The following CSRNP3 variants were observed in gnomAD, a reference collection of about 807,000 sequenced individuals.
CSRNP3 encodes the protein cysteine and serine rich nuclear protein 3.
CSRNP3 carries 12 observed loss-of-function variants against 48.0 expected under a neutral mutation model. That is an observed-to-expected ratio of 0.25 (90% confidence interval 0.16 to 0.41). CSRNP3 has a LOEUF of 0.41. CSRNP3 is among the 10% of genes least tolerant of loss of function. CSRNP3 has a pLI of 1.00. For synonymous variants in CSRNP3, 263 were observed against 269.7 expected (o/e 0.98, Z 0.24); for missense variants, 580 against 724.4 (o/e 0.80, Z 2.29).
At chr2:165,634,184 C>T (rs796280130) in intron 4 of CSRNP3, among the ~76,000 whole-genome samples, 3 of 151,794 alleles carry the variant, frequency 2.0e-5, no homozygotes, top group African/African-American at 4.8e-5. Flanking sequence ...ACTAAAAATA[C>T]AAAAAATTAG....
At chr2:165,620,494 G>A (rs1686321403) in intron 4 of CSRNP3, among the ~76,000 whole-genome samples, 1 of 152,026 alleles carries the variant, frequency 6.6e-6, no homozygotes, top group Non-Finnish European at 1.5e-5. Context: ...ATTGCCACCA[G>A]ATACTAAAAT....
intron 4 of CSRNP3, among the ~76,000 whole-genome samples, chr2:165,597,419 G>A (rs1685830757): frequency 6.6e-6 from 1 of 152,024 alleles, no homozygotes; most frequent in South Asian, 2.1e-4. Context: ...TATGGTCTTA[G>A]GAAATTTGAA....
intron 5 of CSRNP3, among the ~76,000 whole-genome samples, chr2:165,658,663 A>G (rs1840253): frequency 0.7 from 106,872 of 152,036 alleles, 38,148 homozygotes; most frequent in South Asian, 0.79. Flanking sequence ...ATATGGCTGG[A>G]GAGGCCTCAC....
At chr2:165,500,715 C>T (rs1207128982) in intron 2 of CSRNP3, among the ~76,000 whole-genome samples, 1 of 152,042 alleles carries the variant, frequency 6.6e-6, no homozygotes, top group Non-Finnish European at 1.5e-5. Context: ...ACCTAGGCCT[C>T]TCAAAGTGCG....
At chr2:165,511,750 G>A (rs1298294346) in intron 2 of CSRNP3, among the ~76,000 whole-genome samples, 1 of 152,174 alleles carries the variant, frequency 6.6e-6, no homozygotes, top group African/African-American at 2.4e-5. Flanking sequence ...AATTATCAAA[G>A]AAAGTGTGAT....
chr2:165,682,111 A>C lies in CSRNP3; in HGVS notation c.*2358A>C, dbSNP rs1687557982. ...CCAGCTCCAGCCTGAGCAAAGCTGA[A>C]GGGTAGAATGACAGTCCAGTTTCTG... On this transcript the variant is annotated 3_prime_UTR_variant, in exon 7 of 7. Transcript: ENST00000651982. 6.6e-6 allele frequency: 1 copy of C among 151,990 alleles called. No homozygotes were observed. Among genetic ancestry groups the C allele is most frequent in the East Asian group, 1.9e-4 (1 of 5,160 alleles). The allele number at this position is 151,990 out of a possible 1,614,324, so 9.4% of individuals were successfully genotyped here.
intron 5 of CSRNP3, among the ~76,000 whole-genome samples, chr2:165,659,178 G>A (rs1687057931): frequency 2.0e-5 from 3 of 152,156 alleles, no homozygotes; most frequent in African/African-American, 7.2e-5. Context: ...TGTTGAGACG[G>A]GATGGAATAT....
intron 3 of CSRNP3, among the ~76,000 whole-genome samples, chr2:165,594,141 T>C (rs1685771490): frequency 6.6e-6 from 1 of 152,202 alleles, no homozygotes; most frequent in Non-Finnish European, 1.5e-5. Flanking sequence ...TCAGAGCACT[T>C]CTTATCTTAA....
At chr2:165,663,898 G>A (rs139788381) in intron 5 of CSRNP3, among the ~76,000 whole-genome samples, 28 of 151,998 alleles carry the variant, frequency 1.8e-4, no homozygotes, top group Non-Finnish European at 3.7e-4. Flanking sequence ...TACTAGATCC[G>A]TCTGGCTTAT....
intron 4 of CSRNP3, among the ~76,000 whole-genome samples, chr2:165,641,203 A>G (rs544232354): frequency 1.3e-5 from 2 of 152,264 alleles, no homozygotes; most frequent in African/African-American, 4.8e-5. Flanking sequence ...GACCACAACA[A>G]TGGTTCACCA....
In CSRNP3 at chr2:165,682,771, T is replaced by A. The variant is rs1299804470; in HGVS notation, c.*3018T>A. 2 of 152,276 alleles carry A rather than the reference T, an allele frequency of 1.3e-5. No individual in the cohort carries two copies. Among genetic ancestry groups the A allele is most frequent in the Non-Finnish European group, 2.9e-5 (2 of 68,008 alleles). The allele number at this position is 152,276 out of a possible 1,614,324, so 9.4% of individuals were successfully genotyped here. The stretch of plus-strand genomic sequence containing the variant: ...AGCTGCCCACATGCCAGGAAAGTGC[T>A]ACAGTCCTTCTAAGCTTTTAAAAAT... On this transcript the variant is annotated 3_prime_UTR_variant, in exon 7 of 7. Coordinates refer to ENST00000651982, the MANE Select transcript of CSRNP3 (RefSeq NM_001172173.2).
At chr2:165,666,814 AAGAG>A (rs1201845500) in intron 5 of CSRNP3, among the ~76,000 whole-genome samples, 203 of 122,130 alleles carry the variant, frequency 1.7e-3, no homozygotes, top group Non-Finnish European at 2.5e-3. Flanking sequence ...GGAAGAAAGA[AAGAG>A]AGAGAAAGGA....
At chr2:165,627,084 C>T (rs1686448508) in intron 4 of CSRNP3, among the ~76,000 whole-genome samples, 1 of 152,106 alleles carries the variant, frequency 6.6e-6, no homozygotes, top group African/African-American at 2.4e-5. Flanking sequence ...TCTTTGGTCC[C>T]TGCTGGTTAT....
chr2:165,568,986 A>C (rs1360010129), intron 3 of CSRNP3, among the ~76,000 whole-genome samples: 1 of 152,122 alleles, frequency 6.6e-6, no homozygotes, highest in Non-Finnish European at 1.5e-5. Context: ...ACTTTTGAAA[A>C]AGTACCATTT....
rs1420745372 is a variant in CSRNP3 at position 165,498,288 on chromosome 2, C to T, written c.-113+3360C>T. Among the ~76,000 whole-genome samples, 5 of 152,072 alleles carry T rather than the reference C, an allele frequency of 3.3e-5. No individual in the cohort carries two copies. In the East Asian group the frequency reaches 7.7e-4, roughly 23 times the overall value. The stretch of plus-strand genomic sequence containing the variant: ...TGAAGTATGCAGTGTGAATCTTTAA[C>T]AGCAGCTAACAAATCAAGGGTTAGT... On this transcript the variant is annotated intron_variant, in intron 2 of 6. Coordinates refer to ENST00000651982, the MANE Select transcript of CSRNP3 (RefSeq NM_001172173.2).
At chr2:165,667,662 C>G (rs1400165839) in intron 5 of CSRNP3, among the ~76,000 whole-genome samples, 1 of 152,132 alleles carries the variant, frequency 6.6e-6, no homozygotes, top group Non-Finnish European at 1.5e-5. Flanking sequence ...CATGCCTGTT[C>G]TCACATTTTT....
chr2:165,653,738 G>A lies in CSRNP3; in HGVS notation c.149-4023G>A, dbSNP rs371294492. On this transcript the variant is annotated intron_variant, in intron 4 of 6. Transcript: ENST00000651982. ...TATAATCCCAGAACTTTGGGAGGCC[G>A]AGGTGGGTGGATCACCTGAGGTCAG... Among the ~76,000 whole-genome samples the A allele has an allele frequency of 2.2e-4, 34 of 152,070 alleles. No individual in the cohort carries two copies. The South Asian group carries it at 5.2e-3, about 23-fold the overall frequency.
chr2:165,667,117 A>G (rs1687246649), intron 5 of CSRNP3, among the ~76,000 whole-genome samples: 5 of 138,512 alleles, frequency 3.6e-5, no homozygotes, highest in African/African-American at 5.0e-5. Flanking sequence ...GAAGGAAGGA[A>G]AGAGAGAAAG....
At chr2:165,532,279 T>A (rs1219246004) in intron 3 of CSRNP3, among the ~76,000 whole-genome samples, 1 of 152,104 alleles carries the variant, frequency 6.6e-6, no homozygotes, top group Non-Finnish European at 1.5e-5. Context: ...TAGACCAATA[T>A]CCTTGATGAA....
Sources: allele counts gnomAD v4.1 joint callset (sites outside exome capture counted in the v4.1 genomes callset), GRCh38; gene constraint gnomAD v4.1.1; transcripts MANE v1.5; gene names NCBI Gene and HGNC (gene_info 2026-07-23, HGNC 2026-07-21).